The following HEXB variants were observed in gnomAD, a reference collection of about 807,000 sequenced individuals.
HEXB encodes hexosaminidase subunit beta.
Under a neutral mutation model 71.2 loss-of-function variants are expected in HEXB, and 51 were observed. The observed-to-expected ratio is 0.72, with a 90% CI of 0.57 to 0.90. The LOEUF (loss-of-function observed/expected upper bound fraction) is 0.90, where lower values mean the gene tolerates loss of function less well. Among genes scored for constraint, HEXB ranks in the 40% least tolerant of loss-of-function variants. The probability of loss-of-function intolerance (pLI) is 0.00; values close to 1 mark genes in which losing one functional copy is unlikely to be tolerated. For synonymous variants in HEXB, 266 were observed against 249.3 expected, an observed-to-expected ratio of 1.07 and a Z score of -0.63; for missense variants, 617 against 677.0, an observed-to-expected ratio of 0.91 and a Z score of 0.98.
intron 1 of HEXB, among the ~76,000 whole-genome samples, chr5:74,659,229 C>A (rs1280476226): frequency 6.6e-6 from 1 of 152,038 alleles, no homozygotes; most frequent in Admixed American, 6.5e-5. Flanking sequence ...AATTTTTCAC[C>A]ATAAGTCACC....
intron 1 of HEXB, 40 bp downstream of exon 1, chr5:74,685,599 G>A (rs1424638360): frequency 1.3e-6 from 2 of 1,509,336 alleles, no homozygotes; most frequent in African/African-American, 2.8e-5. Context: ...TCCTGGGGGA[G>A]GGGAGAGGCG....
chr5:74,675,824 C>T (rs1748620435), intron 1 of HEXB, among the ~76,000 whole-genome samples: 1 of 152,130 alleles, frequency 6.6e-6, no homozygotes, highest in Admixed American at 6.5e-5. Context: ...GTGGTATAAG[C>T]AGCAAGTGGA....
chr5:74,705,400 C>A, intron 6 of HEXB, 80 bp downstream of exon 6: 1 of 847,018 alleles, frequency 1.2e-6, no homozygotes, highest in Non-Finnish European at 2.0e-6. Context: ...AATGTTTGTT[C>A]TTATGGATAG....
chr5:74,691,916 A>G (rs1246079268), intron 2 of HEXB, among the ~76,000 whole-genome samples: 3 of 152,202 alleles, frequency 2.0e-5, no homozygotes, highest in Non-Finnish European at 4.4e-5. Flanking sequence ...TGTTAACACT[A>G]ATAACTTGGT....
intron 2 of HEXB, among the ~76,000 whole-genome samples, chr5:74,690,649 C>CAAAAAAAAAA (rs60786265): frequency 5.0e-5 from 3 of 59,700 alleles, no homozygotes; most frequent in East Asian, 6.3e-4. Context: ...GAGACAGTCT[C>CAAAAAAAAAA]AAAAAAAAAA....
intron 1 of HEXB, among the ~76,000 whole-genome samples, chr5:74,647,937 A>T (rs1298513811): frequency 6.6e-6 from 1 of 152,220 alleles, no homozygotes; most frequent in African/African-American, 2.4e-5. Context: ...TACAGTGTCT[A>T]GGCTTGGCCT....
intron 1 of HEXB, among the ~76,000 whole-genome samples, chr5:74,672,330 T>C (rs996727394): frequency 6.6e-6 from 1 of 152,230 alleles, no homozygotes; most frequent in Non-Finnish European, 1.5e-5. Flanking sequence ...TCCACTTGCC[T>C]CTGGAGGCTT....
intron 11 of HEXB, among the ~76,000 whole-genome samples, chr5:74,719,704 GA>G (rs1260879729): frequency 6.6e-6 from 1 of 152,164 alleles, no homozygotes; most frequent in Non-Finnish European, 1.5e-5. Flanking sequence ...AGCACTTTGG[GA>G]GGCCGAGGCA....
chr5:74,706,569 G>A (rs820825), intron 6 of HEXB, among the ~76,000 whole-genome samples: 121,805 of 152,162 alleles, frequency 0.8, 50,299 homozygotes, highest in Non-Finnish European at 0.9. Flanking sequence ...ACACGGCACC[G>A]GGAAAATCGG....
At chr5:74,655,857 A>G (rs1017236885) in intron 1 of HEXB, among the ~76,000 whole-genome samples, 4 of 152,206 alleles carry the variant, frequency 2.6e-5, no homozygotes, top group African/African-American at 9.7e-5. Context: ...TGGAATGATC[A>G]AGTGACATGC....
upstream of HEXB, chr5:74,685,094 T>C (rs1748823870): frequency 1.4e-6 from 1 of 706,894 alleles, no homozygotes; most frequent in African/African-American, 1.9e-5. Flanking sequence ...CAGGGCGGGC[T>C]GGGCGAGGAC....
chr5:74,693,474 T>G, intron 2 of HEXB, 165 bp from the exon 3 acceptor site: 1 of 685,278 alleles, frequency 1.5e-6, no homozygotes, highest in East Asian at 2.7e-5. Context: ...CGAAGGAACC[T>G]GCAGGACATC....
intron 9 of HEXB, among the ~76,000 whole-genome samples, chr5:74,717,196 A>G (rs1749692117): frequency 6.6e-6 from 1 of 151,922 alleles, no homozygotes; most frequent in Admixed American, 6.6e-5. Context: ...CAATCAATCA[A>G]TCCATCAATA....
chr5:74,665,034 G>A (rs952886112), intron 1 of HEXB, among the ~76,000 whole-genome samples: 4 of 152,084 alleles, frequency 2.6e-5, no homozygotes, highest in Non-Finnish European at 4.4e-5. Flanking sequence ...TTTTAAGAAC[G>A]AATCAGAGGT....
At position 74,720,716 on chromosome 5, in the gene HEXB, A is replaced by G; in HGVS notation, c.1582A>G (p.Arg528Gly). 6.2e-7 allele frequency: 1 copy of G among 1,614,128 alleles called. No homozygotes were observed. The highest frequency in any genetic ancestry group is 8.5e-7 in the Non-Finnish European group (1 of 1,179,948). ...CAGAGATATGGATGACGCCTATGAC[A>G]GACTGACAAGGCACCGCTGCAGGAT... Reference protein sequence around the residue: ...DVRDMDDAYDRLTRHRCRMVE... With the variant: ...DVRDMDDAYDGLTRHRCRMVE... Residue 528 changes from arginine to glycine, a missense_variant, in exon 13 of 14, where the codon AGA (arginine) becomes GGA (glycine). Coordinates refer to ENST00000261416, the MANE Select transcript of HEXB (RefSeq NM_000521.4).
At chr5:74,649,685 T>G (rs931890519) in intron 1 of HEXB, among the ~76,000 whole-genome samples, 1 of 152,224 alleles carries the variant, frequency 6.6e-6, no homozygotes, top group Non-Finnish European at 1.5e-5. Context: ...GTGTGACAAA[T>G]GAGAAGCTGG....
At position 74,718,818 on chromosome 5, in the gene HEXB, G is replaced by T; in HGVS notation, c.1264G>T (p.Glu422Ter). The T allele has an allele frequency of 1.9e-6, 3 of 1,614,154 alleles. No homozygotes were observed. The highest frequency in any genetic ancestry group is 2.5e-6 in the Non-Finnish European group (3 of 1,180,024). Reference protein sequence around the residue: ...KAKLAPGTIVEVWKDSAYPEE... With the variant: ...KAKLAPGTIV The stretch of plus-strand genomic sequence containing the variant: ...ATAGCTTGCGCCGGGCACAATAGTT[G>T]AAGTATGGAAAGACAGCGCATATCC... Residue 422 changes from glutamate (E) to a stop codon, truncating the protein, a stop_gained, in exon 11 of 14, where the codon GAA (glutamate) becomes TAA (stop). Coordinates refer to ENST00000261416, the MANE Select transcript of HEXB (RefSeq NM_000521.4). LOFTEE classifies it high-confidence loss of function.
intron 1 of HEXB, among the ~76,000 whole-genome samples, chr5:74,660,964 C>T (rs2112088027): frequency 6.6e-6 from 1 of 152,208 alleles, no homozygotes; most frequent in South Asian, 2.1e-4. Context: ...GGCATAACAG[C>T]ATCTCACTTG....
rs73115186 is a variant in HEXB at position 74,668,562 on chromosome 5, A to T, written c.-376-20766A>T. 5.9e-3 allele frequency among the ~76,000 whole-genome samples: 898 copies of T among 152,308 alleles called. 12 individuals are homozygous for T. The highest frequency in any genetic ancestry group is 0.02 in the African/African-American group (851 of 41,562). ...TATTCCTCATGTGTGAAACAAGACC[A>T]GTCCTATGTACCCTGCAGCGTTGTT... On this transcript the variant is annotated intron_variant, in intron 1 of 13. Coordinates refer to the HEXB transcript ENST00000511181.
Sources: gnomAD v4.1 joint callset for allele counts (sites outside exome capture counted in the v4.1 genomes callset) on GRCh38, gnomAD v4.1.1 for gene constraint, MANE v1.5 for transcripts, NCBI Gene and HGNC (gene_info 2026-07-23, HGNC 2026-07-21) for gene names.